Variants in ASH1L observed in about 807,000 individuals in gnomAD.
ASH1L encodes the protein histone-lysine N-methyltransferase ASH1L.
A neutral mutation model predicts 269.0 loss-of-function variants in ASH1L; 23 were observed. The ratio of observed to expected loss-of-function variants is 0.09; its 90% CI spans 0.06 to 0.12. The LOEUF is 0.12. Ranked by LOEUF, ASH1L falls within the 10% of genes least tolerant of loss-of-function variation. The pLI, the probability that ASH1L is intolerant of heterozygous loss-of-function variation, is 1.00. For synonymous variants in ASH1L, 1,187 were observed against 1,253.5 expected (o/e 0.95, Z 1.12); for missense variants, 2,912 against 3,567.8 (o/e 0.82, Z 4.68).
At chr1:155,491,962 C>T (rs541664159) in intron 2 of ASH1L, among the ~76,000 whole-genome samples, 3 of 151,480 alleles carry the variant, frequency 2.0e-5, no homozygotes, top group African/African-American at 4.8e-5. Context: ...CGTGAGTCAC[C>T]GTACCCAGCT....
intron 1 of ASH1L, among the ~76,000 whole-genome samples, chr1:155,556,446 A>ATG (rs1249475736): frequency 6.7e-6 from 1 of 150,086 alleles, no homozygotes; most frequent in African/African-American, 2.5e-5. Flanking sequence ...GTGTATGTGT[A>ATG]TATATATATA....
At chr1:155,520,168 A>C (rs1668776475) in intron 2 of ASH1L, 1 of 151,714 alleles carries the variant, frequency 6.6e-6, no homozygotes, top group Non-Finnish European at 1.5e-5. Flanking sequence ...CCTGGCCAAC[A>C]TGGTGAAACC....
At chr1:155,361,125 T>C (rs918274605) in intron 12 of ASH1L, among the ~76,000 whole-genome samples, 1 of 152,042 alleles carries the variant, frequency 6.6e-6, no homozygotes, top group Non-Finnish European at 1.5e-5. Flanking sequence ...GGCTCACACC[T>C]GTAATCCCAG....
At chr1:155,392,437 A>G (rs946381793) in intron 7 of ASH1L, among the ~76,000 whole-genome samples, 1 of 152,070 alleles carries the variant, frequency 6.6e-6, no homozygotes, top group African/African-American at 2.4e-5. Context: ...GTTGCTCTCC[A>G]GTGACTTAGG....
intron 4 of ASH1L, among the ~76,000 whole-genome samples, chr1:155,458,000 T>C (rs1663993425): frequency 6.6e-6 from 1 of 152,164 alleles, no homozygotes; most frequent in Non-Finnish European, 1.5e-5. Flanking sequence ...CCCAAGCCTT[T>C]AAAAACCTAA....
At chr1:155,537,407 T>C (rs1404048861) in intron 1 of ASH1L, among the ~76,000 whole-genome samples, 1 of 152,226 alleles carries the variant, frequency 6.6e-6, no homozygotes, top group Non-Finnish European at 1.5e-5. Flanking sequence ...ACTTATTGTC[T>C]CATTTGTTTC....
intron 2 of ASH1L, among the ~76,000 whole-genome samples, chr1:155,485,186 G>A (rs1332588074): frequency 6.6e-6 from 1 of 151,230 alleles, no homozygotes; most frequent in African/African-American, 2.4e-5. Context: ...AACCTGGGAC[G>A]GGGAGGTTGC....
chr1:155,512,727 G>C (rs1447531670), intron 2 of ASH1L, among the ~76,000 whole-genome samples: 1 of 151,572 alleles, frequency 6.6e-6, no homozygotes, highest in Non-Finnish European at 1.5e-5. Context: ...GCTGCGATTA[G>C]TCTTATGTTT....
chr1:155,485,982 G>A (rs1188024498), intron 2 of ASH1L, among the ~76,000 whole-genome samples: 1 of 150,740 alleles, frequency 6.6e-6, no homozygotes, highest in Non-Finnish European at 1.5e-5. Context: ...TTCTTCCTAA[G>A]AGTAAAGTGA....
At chr1:155,442,539 C>T (rs185397933) in intron 4 of ASH1L, among the ~76,000 whole-genome samples, 7,778 of 147,368 alleles carry the variant, frequency 0.053, 684 homozygotes, top group African/African-American at 0.19. Flanking sequence ...GCCGAGATCA[C>T]GCCACTGCCC....
chr1:155,502,076 T>TTTTC (rs1558172064), intron 2 of ASH1L, among the ~76,000 whole-genome samples: 4 of 139,684 alleles, frequency 2.9e-5, no homozygotes, highest in African/African-American at 7.5e-5. Context: ...CTTTTCTTTT[T>TTTTC]TTTTTTTTTT....
chr1:155,411,601 AT>A lies in ASH1L; in HGVS notation c.6008+4142del, dbSNP rs1659805126. On this transcript the variant is annotated intron_variant, in intron 6 of 27. Coordinates refer to ENST00000392403, the MANE Select transcript of ASH1L (RefSeq NM_018489.3). ...TAAATAAATAAATATATATATATAT[AT>A]ATATATATATATATATGTTTTCATC... Among the ~76,000 whole-genome samples the A allele has an allele frequency of 9.4e-5, 8 of 85,122 alleles. 1 individual carries two copies. The Admixed American group carries it at 9.4e-4, about 10-fold the overall frequency. The allele number at this position is 85,122 out of a possible 152,430, so 55.8% of individuals were successfully genotyped here. A position where few individuals can be genotyped will look rare whatever the true frequency, so the allele number is the denominator to read the frequency against.
chr1:155,413,854 A>T (rs1268977592), intron 6 of ASH1L, among the ~76,000 whole-genome samples: 2 of 152,128 alleles, frequency 1.3e-5, no homozygotes, highest in Admixed American at 6.5e-5. Context: ...AATTAAAAAA[A>T]ATAGTTAAGT....
At chr1:155,351,850 C>CA (rs1206899040) in intron 17 of ASH1L, among the ~76,000 whole-genome samples, 221 of 124,582 alleles carry the variant, frequency 1.8e-3, no homozygotes, top group Middle Eastern at 4.2e-3. Flanking sequence ...GACTTTGTCT[C>CA]AAAAAAAAAA....
intron 7 of ASH1L, among the ~76,000 whole-genome samples, chr1:155,381,979 G>A (rs550906290): frequency 1.1e-4 from 17 of 151,874 alleles, no homozygotes; most frequent in African/African-American, 3.9e-4. Flanking sequence ...GGCCGAGGTG[G>A]GTGGATCACT....
intron 12 of ASH1L, among the ~76,000 whole-genome samples, chr1:155,363,994 CA>C (rs113274682): frequency 6.7e-6 from 1 of 150,306 alleles, no homozygotes; most frequent in Admixed American, 6.7e-5. Flanking sequence ...AACAAAAAAC[CA>C]AAAAAAGGTA....
chr1:155,439,106 A>G (rs747504819), intron 4 of ASH1L, 38 bp from the exon 5 acceptor site: 2 of 1,552,974 alleles, frequency 1.3e-6, no homozygotes, highest in Admixed American at 2.0e-5. Flanking sequence ...ACAAAATTGG[A>G]CACGGCTAGT....
chr1:155,470,967 G>C (rs1665049502), intron 3 of ASH1L, among the ~76,000 whole-genome samples: 1 of 152,138 alleles, frequency 6.6e-6, no homozygotes, highest in Non-Finnish European at 1.5e-5. Flanking sequence ...GACTTTCAAA[G>C]GGATCAAAAC....
At chr1:155,353,004 T>C in intron 16 of ASH1L, 146 bp from the exon 17 acceptor site, 2 of 715,850 alleles carry the variant, frequency 2.8e-6, no homozygotes, top group South Asian at 2.5e-5. Context: ...CTATCTTCTG[T>C]AATGAAAAAT....
Sources: allele counts gnomAD v4.1 joint callset (sites outside exome capture counted in the v4.1 genomes callset), GRCh38; gene constraint gnomAD v4.1.1; transcripts MANE v1.5; gene names NCBI Gene and HGNC (gene_info 2026-07-23, HGNC 2026-07-21).